BCKDHA: variants seen among roughly 807,000 people sequenced by gnomAD.
The protein encoded by BCKDHA is 2-oxoisovalerate dehydrogenase subunit alpha, mitochondrial.
BCKDHA carries 43 observed loss-of-function variants against 52.2 expected under a neutral mutation model. That is an observed-to-expected ratio of 0.82 (90% CI 0.64 to 1.06). The LOEUF (loss-of-function observed/expected upper bound fraction) is 1.06. Among genes scored for constraint, BCKDHA ranks in the 50% least tolerant of loss-of-function variants. The probability of loss-of-function intolerance (pLI) is 0.00; values close to 1 mark genes in which losing one functional copy is unlikely to be tolerated. For missense variants in BCKDHA, 527 were observed against 621.3 expected, an observed-to-expected ratio of 0.85 and a Z score of 1.61; for synonymous variants, 234 against 247.9, an observed-to-expected ratio of 0.94 and a Z score of 0.53.
chr19:41,418,048 C>T (rs1038535726), intron 4 of BCKDHA, among the ~76,000 whole-genome samples: 8 of 134,636 alleles, frequency 5.9e-5, no homozygotes, highest in African/African-American at 1.4e-4. Flanking sequence ...GCTCAGATTG[C>T]GCCACTGCAC....
intron 1 of BCKDHA, among the ~76,000 whole-genome samples, chr19:41,403,568 T>C (rs1161632949): frequency 1.3e-5 from 2 of 152,214 alleles, no homozygotes; most frequent in Non-Finnish European, 2.9e-5. Context: ...CTTGGAGCCT[T>C]GGTTTTTCCC....
At chr19:41,407,234 C>T (rs1020615373) in intron 1 of BCKDHA, among the ~76,000 whole-genome samples, 2 of 152,166 alleles carry the variant, frequency 1.3e-5, no homozygotes, top group Non-Finnish European at 2.9e-5. Context: ...CAACTTTTCA[C>T]GTGGTGTTCT....
rs750857655 is a variant in BCKDHA, at chr19:41,419,154, C to T, written c.504C>T (p.Asp168=). 10 of 1,614,102 alleles carry T rather than the reference C, an allele frequency of 6.2e-6. No homozygotes were observed. The highest frequency in any genetic ancestry group is 1.7e-5 in the Admixed American group (1 of 60,006). Residue 168 remains aspartate, a synonymous_variant, in exon 5 of 9, where the codon GAC becomes GAT. Transcript: ENST00000269980. ...YREAGVLMYR[D]YPLELFMAQC... Reference sequence around the variant, plus strand: ...TCCTAGGTGTGCTGATGTATCGGGACTACCCCCTGGAACTATTCATGGCCC... The same window carrying T: ...TCCTAGGTGTGCTGATGTATCGGGATTACCCCCTGGAACTATTCATGGCCC...
intron 1 of BCKDHA, chr19:41,399,682 TCCTCC>T (rs576867079): frequency 2.0e-5 from 3 of 151,876 alleles, no homozygotes; most frequent in Non-Finnish European, 4.4e-5. Flanking sequence ...TCCTCTCCTC[TCCTCC>T]CCTCTCCTTT....
In BCKDHA at chr19:41,397,911, T is replaced by C; in HGVS notation, c.84T>C (p.Pro28=). 1 of 1,614,026 alleles carries C rather than the reference T, an allele frequency of 6.2e-7. No homozygotes were observed. Among genetic ancestry groups the C allele is most frequent in the Non-Finnish European group, 8.5e-7 (1 of 1,180,010 alleles). ...CTGCCCTCCTGCTGCTGCGGCAGCC[T>C]GGGGCTCGGGGACTGGCTAGATCTG... ...SQAALLLLRQ[P]GARGLARSHP... Residue 28 remains proline, a synonymous_variant, in exon 1 of 9, where the codon CCT becomes CCC. Transcript: ENST00000269980.
intron 1 of BCKDHA, among the ~76,000 whole-genome samples, chr19:41,403,283 G>A (rs971416621): frequency 6.6e-6 from 1 of 152,200 alleles, no homozygotes; most frequent in African/African-American, 2.4e-5. Flanking sequence ...TAGATACGGA[G>A]GACTTGGAGT....
chr19:41,424,363 C>T (rs765434735), intron 8 of BCKDHA, 75 bp from the exon 9 acceptor site: 720 of 1,566,674 alleles, frequency 4.6e-4, no homozygotes, highest in Middle Eastern at 1.3e-3. Context: ...TAATTCCTTG[C>T]CAAGGCCCCG....
At chr19:41,412,254 G>A (rs1043983399) in intron 3 of BCKDHA, among the ~76,000 whole-genome samples, 5 of 149,876 alleles carry the variant, frequency 3.3e-5, no homozygotes, top group African/African-American at 7.5e-5. Context: ...CACCTAGTCC[G>A]TTTCTCAGTG....
chr19:41,400,664 T>G (rs2039129322), intron 1 of BCKDHA, among the ~76,000 whole-genome samples: 1 of 152,056 alleles, frequency 6.6e-6, no homozygotes, highest in Non-Finnish European at 1.5e-5. Context: ...ATGACAAGCG[T>G]GAGCCACCTT....
At chr19:41,410,532 G>C in intron 1 of BCKDHA, 105 bp from the exon 2 acceptor site, 1 of 1,318,150 alleles carries the variant, frequency 7.6e-7, no homozygotes, top group Non-Finnish European at 1.1e-6. Flanking sequence ...GTTCACTGGG[G>C]CCACATGCTC....
intron 1 of BCKDHA, chr19:41,399,711 T>A (rs1400626080): frequency 6.6e-6 from 1 of 151,318 alleles, no homozygotes; most frequent in Non-Finnish European, 1.5e-5. Context: ...TTTTCTTTTC[T>A]TTTTCCCTTT....
chr19:41,404,738 T>TCCA (rs1256868095), intron 1 of BCKDHA, among the ~76,000 whole-genome samples: 1 of 151,708 alleles, frequency 6.6e-6, no homozygotes, highest in African/African-American at 2.4e-5. Flanking sequence ...GGACTATAGG[T>TCCA]GCGTGCCACC....
In BCKDHA at chr19:41,410,622, T is replaced by A. The variant is rs1212182432; in HGVS notation, c.109-15T>A. On this transcript the variant is annotated splice_polypyrimidine_tract_variant and intron_variant, in intron 1 of 8. Transcript: ENST00000269980. The stretch of plus-strand genomic sequence containing the variant: ...TGCTTCTGATGCAGGTGGTCTCCTC[T>A]GCTCTCTTCCCCAGCACCCCCCCAG... 3 of 1,614,132 alleles carry A rather than the reference T, an allele frequency of 1.9e-6. No individual in the cohort carries two copies. In the Admixed American group the frequency reaches 5.0e-5, roughly 27 times the overall value.
chr19:41,409,836 C>G (rs1349337123), intron 1 of BCKDHA, among the ~76,000 whole-genome samples: 3 of 137,992 alleles, frequency 2.2e-5, no homozygotes, highest in African/African-American at 8.4e-5. Context: ...TGGAGTCTCA[C>G]TGTCACCAGG....
chr19:41,399,000 G>T (rs528589785), intron 1 of BCKDHA, among the ~76,000 whole-genome samples: 10 of 152,256 alleles, frequency 6.6e-5, no homozygotes, highest in African/African-American at 2.4e-4. Context: ...GTGGAGGGAA[G>T]GGACAGAAAC....
intron 7 of BCKDHA, 36 bp downstream of exon 7, chr19:41,422,806 A>G: frequency 6.2e-7 from 1 of 1,611,608 alleles, no homozygotes; most frequent in East Asian, 2.2e-5. Context: ...CCCCCACAGC[A>G]CTGACAGCCA....
At position 41,419,162 on chromosome 19, in the gene BCKDHA, T is replaced by C. The variant is rs1294239005; in HGVS notation, c.512T>C (p.Leu171Pro). ...AGVLMYRDYP[L>P]ELFMAQCYGN... ...GTGCTGATGTATCGGGACTACCCCCTGGAACTATTCATGGCCCAGTGCTAT... is the reference window on the plus strand; with the variant it reads ...GTGCTGATGTATCGGGACTACCCCCCGGAACTATTCATGGCCCAGTGCTAT... Residue 171 changes from leucine (L) to proline (P), a missense_variant, in exon 5 of 9, where the codon CTG (leucine) becomes CCG (proline). Coordinates refer to ENST00000269980, the MANE Select transcript of BCKDHA (RefSeq NM_000709.4). 6.2e-7 allele frequency: 1 copy of C among 1,614,082 alleles called. No homozygotes were observed. Among genetic ancestry groups the C allele is most frequent in the East Asian group, 2.2e-5 (1 of 44,904 alleles).
At chr19:41,423,224 T>G (rs994397268) in intron 8 of BCKDHA, 55 bp downstream of exon 8, 9 of 1,544,754 alleles carry the variant, frequency 5.8e-6, no homozygotes, top group Non-Finnish European at 7.0e-6. Flanking sequence ...CCTGCAGAGC[T>G]TGGGAAGGAT....
chr19:41,409,261 G>A (rs893407744), intron 1 of BCKDHA, among the ~76,000 whole-genome samples: 1 of 152,146 alleles, frequency 6.6e-6, no homozygotes, highest in Non-Finnish European at 1.5e-5. Flanking sequence ...CCGAGAATGT[G>A]CTTTCCCTGC....
Sources: gnomAD v4.1 joint callset for allele counts (sites outside exome capture counted in the v4.1 genomes callset) on GRCh38, gnomAD v4.1.1 for gene constraint, MANE v1.5 for transcripts, NCBI Gene and HGNC (gene_info 2026-07-23, HGNC 2026-07-21) for gene names.